PITPNM2: variants seen among roughly 807,000 people sequenced by gnomAD.
PITPNM2 encodes membrane-associated phosphatidylinositol transfer protein 2.
PITPNM2 carries 35 observed loss-of-function variants against 132.2 expected under a neutral mutation model. That is an observed-to-expected ratio of 0.26 (90% CI 0.20 to 0.35). PITPNM2 has a LOEUF of 0.35. PITPNM2 is among the 10% of genes least tolerant of loss of function. The pLI, the probability that PITPNM2 is intolerant of heterozygous loss-of-function variation, is 1.00. For missense variants in PITPNM2, 1,332 were observed against 1,912.0 expected (o/e 0.70, Z 5.66); for synonymous variants, 738 against 799.2 (o/e 0.92, Z 1.29).
chr12:123,005,108 G>C lies in PITPNM2; in HGVS notation c.952+132C>G, dbSNP rs1186649831. The C allele has an allele frequency of 8.7e-7, 1 of 1,144,166 alleles. No individual in the cohort carries two copies. Among genetic ancestry groups the C allele is most frequent in the Non-Finnish European group, 1.2e-6 (1 of 805,870 alleles). 70.9% of individuals were successfully genotyped at this position (1,144,166 alleles called of 1,614,324 possible). A position where few individuals can be genotyped will look rare whatever the true frequency, so the allele number is the denominator to read the frequency against. ...TGTGCGAGGACTAGCCCAGGGCTCT[G>C]ACTCCCTCTGGGCTTGGTGCCTCAA... On this transcript the variant is annotated intron_variant, in intron 7 of 25. Coordinates refer to ENST00000320201, the MANE Select transcript of PITPNM2 (RefSeq NM_020845.3). The surrounding 1 kb of genome is among the most constrained non-coding windows in gnomAD (Gnocchi z 6.2).
At chr12:123,046,252 C>T (rs1304897237) in intron 2 of PITPNM2, among the ~76,000 whole-genome samples, 1 of 152,006 alleles carries the variant, frequency 6.6e-6, no homozygotes, top group African/African-American at 2.4e-5. Context: ...AGGGTCTCAT[C>T]AGACCCCACA....
In PITPNM2 at chr12:123,012,591, G is replaced by T. The variant is rs2039255896; in HGVS notation, c.415+22C>A. 4 of 1,613,654 alleles carry T rather than the reference G, an allele frequency of 2.5e-6. No homozygotes were observed. The East Asian group carries it at 8.9e-5, about 36-fold the overall frequency. The stretch of plus-strand genomic sequence containing the variant: ...AGGAAACCCAGAGTACAGCCCTGTG[G>T]GGCTCTGCCCTTCCTGGTTACCGAT... On this transcript the variant is annotated intron_variant, in intron 5 of 25. Coordinates refer to ENST00000320201, the MANE Select transcript of PITPNM2 (RefSeq NM_020845.3).
intron 3 of PITPNM2, among the ~76,000 whole-genome samples, chr12:123,025,344 C>G (rs2136360978): frequency 6.6e-6 from 1 of 152,152 alleles, no homozygotes; most frequent in South Asian, 2.1e-4. Context: ...AAAAAACAGA[C>G]AAGACTCTGG....
intron 2 of PITPNM2, among the ~76,000 whole-genome samples, chr12:123,062,979 T>A (rs990370758): frequency 5.9e-5 from 9 of 152,096 alleles, no homozygotes; most frequent in Admixed American, 5.9e-4. Context: ...AAGAGATGAG[T>A]CACACACGAA....
At chr12:122,987,729 G>A in intron 21 of PITPNM2, 56 bp downstream of exon 21, 1 of 1,612,574 alleles carries the variant, frequency 6.2e-7, no homozygotes, top group Non-Finnish European at 8.5e-7. Flanking sequence ...CGGCCAGAGG[G>A]CAGCAGGGAG....
chr12:122,997,609 A>C, intron 10 of PITPNM2, 37 bp from the exon 11 acceptor site: 5 of 1,589,032 alleles, frequency 3.1e-6, no homozygotes, highest in Non-Finnish European at 4.3e-6. Flanking sequence ...CTCCCCAGGG[A>C]ACCCAGCTCC....
chr12:123,068,275 G>A (rs2041499861), intron 2 of PITPNM2, among the ~76,000 whole-genome samples: 2 of 152,044 alleles, frequency 1.3e-5, no homozygotes, highest in South Asian at 2.1e-4. Context: ...AGAACATCCT[G>A]GCTAACACGG....
Position 122,992,911 on chromosome 12 carries a change from C to T in PITPNM2, c.2234-242G>A, listed in dbSNP as rs541996289. 2.0e-5 allele frequency among the ~76,000 whole-genome samples: 3 copies of T among 152,194 alleles called. No individual in the cohort carries two copies. Among genetic ancestry groups the T allele is most frequent in the South Asian group, 2.1e-4 (1 of 4,822 alleles). On this transcript the variant is annotated intron_variant, in intron 15 of 25. Coordinates refer to ENST00000320201, the MANE Select transcript of PITPNM2 (RefSeq NM_020845.3). This position sits in a 1 kb window ranked among gnomAD's most constrained non-coding sequence, Gnocchi z 6.5. ...TGCGATCTTGGTTCACTGTAGCCTC[C>T]GTCTCCTGGGCTCAAGTGATCCTAC...
intron 2 of PITPNM2, among the ~76,000 whole-genome samples, chr12:123,063,236 G>A (rs1566273735): frequency 6.6e-6 from 1 of 152,232 alleles, no homozygotes; most frequent in Non-Finnish European, 1.5e-5. Context: ...CATCTCTGCA[G>A]TGTGGAGAAG....
In PITPNM2 at chr12:123,058,014, C is replaced by T. The variant is rs1337629180; in HGVS notation, c.-95-23329G>A. Among the ~76,000 whole-genome samples, 1 of 152,230 alleles carries T rather than the reference C, an allele frequency of 6.6e-6. No individual in the cohort carries two copies. Among genetic ancestry groups the T allele is most frequent in the Non-Finnish European group, 1.5e-5 (1 of 68,038 alleles). On this transcript the variant is annotated intron_variant, in intron 2 of 25. Transcript: ENST00000320201. This position sits in a 1 kb window ranked among gnomAD's most constrained non-coding sequence, Gnocchi z 4.0. ...ACCCCTCCTGTACACCTGACAGGTG[C>T]TACCTCCTCTCTGGGCCACTAGGCA...
chr12:123,044,597 A>G (rs1030433015), intron 2 of PITPNM2, among the ~76,000 whole-genome samples: 1 of 152,188 alleles, frequency 6.6e-6, no homozygotes, highest in Non-Finnish European at 1.5e-5. Flanking sequence ...TTGTGATGAC[A>G]GAGTAGATAC....
In PITPNM2 at chr12:122,994,727, ACAGGGG is replaced by A; in HGVS notation, c.2233+68_2233+73del. Reference sequence around the variant, plus strand: ...CCTGGGACGTGGCCATGATCTCATCACAGGGGTCCACTGAGACCCCCGCCCCCGCAC... The same window carrying A: ...CCTGGGACGTGGCCATGATCTCATCATCCACTGAGACCCCCGCCCCCGCAC... On this transcript the variant is annotated intron_variant, in intron 15 of 25. Transcript: ENST00000320201. The surrounding 1 kb of genome is among the most constrained non-coding windows in gnomAD (Gnocchi z 5.4). 13 of 1,469,298 alleles carry A rather than the reference ACAGGGG, an allele frequency of 8.8e-6. No homozygotes were observed. Among genetic ancestry groups the A allele is most frequent in the Middle Eastern group, 3.9e-4 (2 of 5,090 alleles). The allele number at this position is 1,469,298 out of a possible 1,614,324, so 91.0% of individuals were successfully genotyped here.
At chr12:123,107,072 C>T (rs1009035872) in intron 2 of PITPNM2, among the ~76,000 whole-genome samples, 10 of 152,188 alleles carry the variant, frequency 6.6e-5, no homozygotes, top group African/African-American at 1.4e-4. Flanking sequence ...GAGGTGGGGA[C>T]GTGCCCTGGA....
intron 1 of PITPNM2, among the ~76,000 whole-genome samples, chr12:123,110,837 C>T (rs2042820262): frequency 6.6e-6 from 1 of 152,156 alleles, no homozygotes; most frequent in Non-Finnish European, 1.5e-5. Context: ...ACTCATGAAC[C>T]CCACTGGGAT....
At chr12:123,068,586 GA>G (rs765171420) in intron 2 of PITPNM2, among the ~76,000 whole-genome samples, 1 of 152,236 alleles carries the variant, frequency 6.6e-6, no homozygotes, top group Non-Finnish European at 1.5e-5. Context: ...AGAAATGCTT[GA>G]AGCGAGATCT....
In PITPNM2 at chr12:122,989,885, G is replaced by GGGGGGGGGGGGGGC; in HGVS notation, c.2632_2633insGCCCCCCCCCCCCC (p.Ala878GlyfsTer86). On this transcript the variant is annotated frameshift_variant, in exon 18 of 26. Coordinates refer to ENST00000320201, the MANE Select transcript of PITPNM2 (RefSeq NM_020845.3). LOFTEE classifies it high-confidence loss of function. ...GGGGCCAGGGGTGGTGGGGCTGGGGGCGGGCAGGGCGAGCAGGGACAGACG... is the reference window on the plus strand; with the variant it reads ...GGGGCCAGGGGTGGTGGGGCTGGGGGGGGGGGGGGGGGGCCGGGCAGGGCGAGCAGGGACAGACG... 9.3e-7 allele frequency: 1 copy of GGGGGGGGGGGGGGC among 1,077,306 alleles called. No individual in the cohort carries two copies. The highest frequency in any genetic ancestry group is 1.2e-6 in the Non-Finnish European group (1 of 807,200). The allele number at this position is 1,077,306 out of a possible 1,614,324, so 66.7% of individuals were successfully genotyped here.
chr12:122,994,809 G>C lies in PITPNM2; in HGVS notation c.2225C>G (p.Ala742Gly). 6.2e-7 allele frequency: 1 copy of C among 1,609,962 alleles called. No homozygotes were observed. The highest frequency in any genetic ancestry group is 1.1e-5 in the South Asian group (1 of 90,980). ...CCCTGCTGGGCTCTCACCATCCAGG[G>C]CTGGGATGACAGTCTTCCTCAAGGC... ...VLALRKTVIP[A>G]LDVFQLRPAC... Residue 742 changes from alanine to glycine, a missense_variant, in exon 15 of 26, where the codon GCC (alanine) becomes GGC (glycine). By Grantham distance (60) the Ala-to-Gly change is moderately conservative. Transcript: ENST00000320201. The surrounding 1 kb of genome is among the most constrained non-coding windows in gnomAD (Gnocchi z 5.4).
chr12:123,120,894 C>T (rs2043019847), intron 1 of PITPNM2, among the ~76,000 whole-genome samples: 1 of 152,236 alleles, frequency 6.6e-6, no homozygotes, highest in Non-Finnish European at 1.5e-5. Context: ...ATAACGAAGA[C>T]CACACCCAGA....
chr12:123,098,805 G>A (rs2042477558), intron 2 of PITPNM2, among the ~76,000 whole-genome samples: 1 of 151,842 alleles, frequency 6.6e-6, no homozygotes, highest in South Asian at 2.1e-4. Flanking sequence ...TCAGGGGCCG[G>A]CTTCCTTCCC....
Sources: gnomAD v4.1 joint callset for allele counts (sites outside exome capture counted in the v4.1 genomes callset) on GRCh38, gnomAD v4.1.1 for gene constraint, Gnocchi (gnomAD v3.1) non-coding constraint, MANE v1.5 for transcripts, NCBI Gene and HGNC (gene_info 2026-07-23, HGNC 2026-07-21) for gene names.